Variants in OGDH observed in about 807,000 individuals in gnomAD.
OGDH encodes oxoglutarate dehydrogenase, also known as 2-oxoglutarate dehydrogenase complex component E1.
A neutral mutation model predicts 116.6 loss-of-function variants in OGDH; 38 were observed. That is an observed-to-expected ratio of 0.33 (90% CI 0.25 to 0.43). The LOEUF (loss-of-function observed/expected upper bound fraction) is 0.43, where lower values mean the gene tolerates loss of function less well. Among genes scored for constraint, OGDH ranks in the 20% least tolerant of loss-of-function variants. The probability of loss-of-function intolerance (pLI) is 1.00; values close to 1 mark genes in which losing one functional copy is unlikely to be tolerated. For synonymous variants in OGDH, 488 were observed against 533.3 expected, an observed-to-expected ratio of 0.92 and a Z score of 1.17; for missense variants, 825 against 1,357.2, an observed-to-expected ratio of 0.61 and a Z score of 6.16.
intron 10 of OGDH, 128 bp from the exon 11 acceptor site, chr7:44,693,697 C>T (rs1168652395): frequency 1.6e-6 from 1 of 610,330 alleles, no homozygotes; most frequent in African/African-American, 1.9e-5. Flanking sequence ...GTGTAAACAG[C>T]CATTTTGGGG....
At chr7:44,696,689 T>C (rs1489081304) in intron 14 of OGDH, 132 bp downstream of exon 14, 2 of 1,356,216 alleles carry the variant, frequency 1.5e-6, no homozygotes, top group Middle Eastern at 2.5e-4. Context: ...GCTCAAGGCC[T>C]CTGGGGTGGT....
At chr7:44,616,769 G>T (rs1426807124) in intron 1 of OGDH, among the ~76,000 whole-genome samples, 1 of 130,228 alleles carries the variant, frequency 7.7e-6, no homozygotes, top group Non-Finnish European at 1.6e-5. Context: ...ATATATACAC[G>T]TATATGTGTA....
At chr7:44,613,235 T>C (rs939316821) in intron 1 of OGDH, among the ~76,000 whole-genome samples, 1 of 150,744 alleles carries the variant, frequency 6.6e-6, no homozygotes, top group African/African-American at 2.4e-5. Context: ...GAATGCAGTG[T>C]TGTGATCTCG....
At chr7:44,668,076 C>T (rs1045103846) in intron 5 of OGDH, among the ~76,000 whole-genome samples, 6 of 152,144 alleles carry the variant, frequency 3.9e-5, no homozygotes, top group African/African-American at 1.2e-4. Context: ...TGCTTGCTGC[C>T]GCAAGTGAAT....
Position 44,707,456 on chromosome 7 carries a change from C to A in OGDH, c.2796+68C>A. On this transcript the variant is annotated intron_variant, in intron 21 of 22. Transcript: ENST00000222673. The surrounding 1 kb of genome is among the most constrained non-coding windows in gnomAD (Gnocchi z 5.2). ...TCAGGGCTCTGGTGCCTTCACAGAA[C>A]AGCCTTGCTTGGGGTGTGGCCCTCA... The A allele has an allele frequency of 1.2e-6, 2 of 1,601,412 alleles. No individual in the cohort carries two copies. The highest frequency in any genetic ancestry group is 2.2e-5 in the South Asian group (2 of 89,542).
In OGDH at chr7:44,697,152, A is replaced by G; in HGVS notation, c.2051+88A>G. The G allele has an allele frequency of 1.3e-6, 2 of 1,535,008 alleles. No homozygotes were observed. The highest frequency in any genetic ancestry group is 3.7e-5 in the Admixed American group (2 of 53,526). On this transcript the variant is annotated intron_variant, in intron 15 of 22. Coordinates refer to ENST00000222673, the MANE Select transcript of OGDH (RefSeq NM_002541.4). This position sits in a 1 kb window ranked among gnomAD's most constrained non-coding sequence, Gnocchi z 6.0. ...GGTGTTTCTTTTCCGGAAGACGGTT[A>G]GAAACCGGAAGAGTCACATTGCTCT...
At chr7:44,704,781 G>A (rs547659949) in intron 20 of OGDH, among the ~76,000 whole-genome samples, 2 of 152,086 alleles carry the variant, frequency 1.3e-5, no homozygotes, top group South Asian at 4.2e-4. Context: ...TGCAATCTCA[G>A]CTCACTGCAA....
In OGDH at chr7:44,707,931, C is replaced by T; in HGVS notation, c.3004C>T (p.His1002Tyr). Residue 1002 changes from histidine to tyrosine, a missense_variant, in exon 23 of 23, where the codon CAC becomes TAC. This residue lies in a region of OGDH where 212 missense variants were observed against 284.3 expected (regional missense o/e 0.75). Coordinates refer to ENST00000222673, the MANE Select transcript of OGDH (RefSeq NM_002541.4). The surrounding 1 kb of genome is among the most constrained non-coding windows in gnomAD (Gnocchi z 5.2). Reference protein sequence around the residue: ...AAPATGNKKTHLTELQRLLDT... With the variant: ...AAPATGNKKTYLTELQRLLDT... The stretch of plus-strand genomic sequence containing the variant: ...TCCAGCCACCGGCAACAAGAAGACC[C>T]ACCTGACGGAGCTGCAGCGCCTCCT... The T allele has an allele frequency of 6.2e-7, 1 of 1,613,950 alleles. No individual in the cohort carries two copies. The highest frequency in any genetic ancestry group is 8.5e-7 in the Non-Finnish European group (1 of 1,180,026).
intron 1 of OGDH, among the ~76,000 whole-genome samples, chr7:44,619,368 A>T (rs1562613643): frequency 6.6e-6 from 1 of 152,172 alleles, no homozygotes; most frequent in Non-Finnish European, 1.5e-5. Flanking sequence ...GTGGTATCTG[A>T]TGCTGTCTCC....
At chr7:44,640,251 G>A (rs1785869237) in intron 2 of OGDH, among the ~76,000 whole-genome samples, 2 of 152,282 alleles carry the variant, frequency 1.3e-5, no homozygotes, top group Middle Eastern at 3.4e-3. Context: ...TTCTTTAAGC[G>A]TCGCTCTGCT....
intron 4 of OGDH, among the ~76,000 whole-genome samples, chr7:44,657,042 C>T (rs1786722340): frequency 6.6e-6 from 1 of 152,164 alleles, no homozygotes; most frequent in Non-Finnish European, 1.5e-5. Context: ...TTTTTAATTA[C>T]ACTTTTAATT....
chr7:44,609,286 C>T (rs1298044513), intron 1 of OGDH, among the ~76,000 whole-genome samples: 2 of 141,608 alleles, frequency 1.4e-5, no homozygotes, highest in Non-Finnish European at 3.0e-5. Flanking sequence ...GCAGGCAGAT[C>T]GCTTGAGCCC....
intron 2 of OGDH, among the ~76,000 whole-genome samples, chr7:44,639,360 C>T (rs1414101338): frequency 6.6e-6 from 1 of 152,004 alleles, no homozygotes; most frequent in Non-Finnish European, 1.5e-5. Context: ...AAGGAAGTGG[C>T]CCCATTGGTG....
intron 2 of OGDH, among the ~76,000 whole-genome samples, chr7:44,642,659 T>C (rs545664851): frequency 2.9e-4 from 44 of 152,196 alleles, no homozygotes; most frequent in Middle Eastern, 3.4e-3. Context: ...TGCAGTGGCT[T>C]ACGCATGTAA....
At position 44,673,774 on chromosome 7, in the gene OGDH, C is replaced by T. The variant is rs751611845; in HGVS notation, c.634-13C>T. ...TAGAAATCCCCTTGACTGTGTGTTT[C>T]TGTATGGAATAGATGGCCTACTGCC... On this transcript the variant is annotated splice_polypyrimidine_tract_variant and intron_variant, in intron 5 of 22. Transcript: ENST00000222673. The T allele has an allele frequency of 6.2e-7, 1 of 1,614,070 alleles. No homozygotes were observed. The highest frequency in any genetic ancestry group is 2.2e-5 in the East Asian group (1 of 44,886).
intron 2 of OGDH, among the ~76,000 whole-genome samples, chr7:44,641,232 T>C (rs1210967239): frequency 1.4e-5 from 2 of 139,698 alleles, no homozygotes; most frequent in African/African-American, 2.7e-5. Context: ...TTTCTTTTTT[T>C]TTTTTTTTTT....
At chr7:44,632,764 G>A (rs1346464556) in intron 2 of OGDH, among the ~76,000 whole-genome samples, 3 of 152,036 alleles carry the variant, frequency 2.0e-5, no homozygotes, top group Admixed American at 1.3e-4. Context: ...GACCATAGGC[G>A]CGTGCCACCA....
At chr7:44,691,981 T>TTAAAAAAAAAAAAAAAAAAAAA (rs1228471357) in intron 10 of OGDH, among the ~76,000 whole-genome samples, 1 of 102,636 alleles carries the variant, frequency 9.7e-6, no homozygotes, top group African/African-American at 4.4e-5. Context: ...GACTCTGTCT[T>TTAAAAAAAAAAAAAAAAAAAAA]AAAAAAAAAA....
At chr7:44,625,359 A>C (rs936150882) in intron 2 of OGDH, among the ~76,000 whole-genome samples, 10 of 152,180 alleles carry the variant, frequency 6.6e-5, no homozygotes, top group Non-Finnish European at 8.8e-5. Flanking sequence ...CCCTGGCCTC[A>C]AGTGATCCAC....
Sources: allele counts gnomAD v4.1 joint callset (sites outside exome capture counted in the v4.1 genomes callset), GRCh38; gene constraint gnomAD v4.1.1; regional missense constraint gnomAD v4.1.1; non-coding constraint Gnocchi (gnomAD v3.1); transcripts MANE v1.5; gene names NCBI Gene and HGNC (gene_info 2026-07-23, HGNC 2026-07-21).